Variants in JAK1 observed in about 807,000 individuals in gnomAD.
JAK1 encodes tyrosine-protein kinase JAK1.
In JAK1, 16 loss-of-function variants were observed where a neutral mutation model predicts 136.6. The observed-to-expected ratio is 0.12, with a 90% CI of 0.08 to 0.18. The LOEUF is 0.18. Ranked by LOEUF, JAK1 falls within the 10% of genes least tolerant of loss-of-function variation. The probability of loss-of-function intolerance (pLI) is 1.00; values close to 1 mark genes in which losing one functional copy is unlikely to be tolerated. For synonymous variants in JAK1, 492 were observed against 519.5 expected (o/e 0.95, Z 0.72); for missense variants, 859 against 1,450.1 (o/e 0.59, Z 6.62).
At chr1:64,942,711 AGCAAAAGGTG>A (rs1269003867) in intron 1 of JAK1, among the ~76,000 whole-genome samples, 9 of 152,216 alleles carry the variant, frequency 5.9e-5, no homozygotes, top group African/African-American at 2.2e-4. Context: ...TGCCTGCCTT[AGCAAAAGGTG>A]TAATCGTAGA....
At chr1:64,839,087 A>T (rs140607795) in intron 20 of JAK1, among the ~76,000 whole-genome samples, 56 of 136,604 alleles carry the variant, frequency 4.1e-4, no homozygotes, top group Admixed American at 5.5e-4. Context: ...CGGAGCTTGC[A>T]GTGAGCCGAG....
At chr1:64,910,982 G>T (rs1645275379) in intron 1 of JAK1, among the ~76,000 whole-genome samples, 1 of 151,582 alleles carries the variant, frequency 6.6e-6, no homozygotes. Context: ...TCTGTCCTCT[G>T]CCTGCACTTC....
intron 2 of JAK1, among the ~76,000 whole-genome samples, chr1:65,016,277 G>A (rs1011757787): frequency 6.6e-6 from 1 of 152,200 alleles, no homozygotes; most frequent in African/African-American, 2.4e-5. Flanking sequence ...AGCGATGGTA[G>A]TTGTATAACA....
chr1:65,021,803 C>A (rs190418489), intron 2 of JAK1, among the ~76,000 whole-genome samples: 119 of 152,204 alleles, frequency 7.8e-4, no homozygotes, highest in Non-Finnish European at 1.6e-4. Flanking sequence ...TATTATACTT[C>A]CCATTTTTTT....
intron 1 of JAK1, among the ~76,000 whole-genome samples, chr1:65,060,682 T>TA (rs1488681542): frequency 6.6e-6 from 1 of 152,228 alleles, no homozygotes; most frequent in Admixed American, 6.5e-5. Flanking sequence ...AATGGTTACT[T>TA]AAATTAATAT....
chr1:64,853,173 G>A (rs955389219), intron 11 of JAK1, among the ~76,000 whole-genome samples: 5 of 152,184 alleles, frequency 3.3e-5, no homozygotes, highest in African/African-American at 9.7e-5. Flanking sequence ...TAATTTTCAC[G>A]ATTTCCCCAC....
chr1:64,996,295 G>A (rs1245493424), intron 2 of JAK1, among the ~76,000 whole-genome samples: 6 of 152,106 alleles, frequency 3.9e-5, no homozygotes, highest in Non-Finnish European at 7.4e-5. Flanking sequence ...GACTCAGACT[G>A]AGCCAATGAC....
chr1:65,001,393 G>T (rs964755269), intron 2 of JAK1, among the ~76,000 whole-genome samples: 1 of 152,182 alleles, frequency 6.6e-6, no homozygotes, highest in African/African-American at 2.4e-5. Flanking sequence ...CCCTCTCCCT[G>T]TGCGCTGGCT....
chr1:64,837,811 CCTT>C, intron 22 of JAK1, 118 bp downstream of exon 22: 1 of 746,904 alleles, frequency 1.3e-6, no homozygotes, highest in Non-Finnish European at 2.1e-6. Flanking sequence ...ATGTTCTAAA[CCTT>C]CTCTAACCTT....
chr1:64,891,193 A>T (rs897028643), intron 1 of JAK1, among the ~76,000 whole-genome samples: 1 of 152,206 alleles, frequency 6.6e-6, no homozygotes, highest in Non-Finnish European at 1.5e-5. Context: ...GCCTGGAGTT[A>T]GGCACTCGCA....
intron 1 of JAK1, among the ~76,000 whole-genome samples, chr1:64,896,412 T>C (rs1451393539): frequency 2.0e-5 from 3 of 152,196 alleles, no homozygotes; most frequent in Non-Finnish European, 4.4e-5. Flanking sequence ...GGAGCTTCTT[T>C]TGTCTTTCCT....
intron 1 of JAK1, among the ~76,000 whole-genome samples, chr1:64,891,760 T>C (rs1286608747): frequency 2.0e-5 from 3 of 152,354 alleles, no homozygotes; most frequent in Middle Eastern, 3.4e-3. Context: ...GACGACATCA[T>C]ATAAATACAA....
At chr1:64,907,548 G>A (rs1645211118) in intron 1 of JAK1, among the ~76,000 whole-genome samples, 1 of 152,194 alleles carries the variant, frequency 6.6e-6, no homozygotes, top group Non-Finnish European at 1.5e-5. Flanking sequence ...AGGGTGAAGG[G>A]TGGGAGGAGG....
intron 8 of JAK1, among the ~76,000 whole-genome samples, chr1:64,862,661 T>C (rs1308759562): frequency 6.6e-6 from 1 of 152,112 alleles, no homozygotes; most frequent in East Asian, 1.9e-4. Flanking sequence ...CAGGACAGGA[T>C]GGGGCAGGCT....
At chr1:64,936,723 GT>G (rs778480963) in intron 1 of JAK1, among the ~76,000 whole-genome samples, 1 of 152,152 alleles carries the variant, frequency 6.6e-6, no homozygotes, top group Non-Finnish European at 1.5e-5. Flanking sequence ...TCATTTGCTT[GT>G]AAAAAGATTA....
At chr1:64,940,734 T>C (rs1239516497) in intron 1 of JAK1, among the ~76,000 whole-genome samples, 2 of 152,250 alleles carry the variant, frequency 1.3e-5, no homozygotes, top group African/African-American at 2.4e-5. Context: ...ATTTATGCTA[T>C]GCTCCATAAA....
At chr1:65,047,462 T>C (rs1647194919) in intron 1 of JAK1, among the ~76,000 whole-genome samples, 1 of 152,218 alleles carries the variant, frequency 6.6e-6, no homozygotes, top group Non-Finnish European at 1.5e-5. Flanking sequence ...CTCACGCCTG[T>C]AATCCCAGCA....
chr1:64,969,589 G>C (rs572420739), upstream of JAK1, among the ~76,000 whole-genome samples: 5 of 152,164 alleles, frequency 3.3e-5, no homozygotes, highest in Non-Finnish European at 5.9e-5. Flanking sequence ...ACTGCAAGCT[G>C]CGAGAGATGA....
chr1:64,913,705 AAGGGAGGG>A lies in JAK1; in HGVS notation c.-77-27372_-77-27365del, dbSNP rs369849593. 6.1e-3 allele frequency among the ~76,000 whole-genome samples: 217 copies of A among 35,694 alleles called. 6 individuals are homozygous for A. The highest frequency in any genetic ancestry group is 0.026 in the African/African-American group (201 of 7,632). The allele number at this position is 35,694 out of a possible 152,430, so 23.4% of individuals were successfully genotyped here. A position where few individuals can be genotyped will look rare whatever the true frequency, so the allele number is the denominator to read the frequency against. ...GAAGGAAGGAAGGAAGGAAGGAAAG[AAGGGAGGG>A]AGGGAGGGAGGGAGGGAGGGAGGAA... On this transcript the variant is annotated intron_variant, in intron 1 of 24. Coordinates refer to ENST00000342505, the MANE Select transcript of JAK1 (RefSeq NM_002227.4).
Sources: allele counts gnomAD v4.1 joint callset (sites outside exome capture counted in the v4.1 genomes callset), GRCh38; gene constraint gnomAD v4.1.1; transcripts MANE v1.5; gene names NCBI Gene and HGNC (gene_info 2026-07-23, HGNC 2026-07-21).